GK: variants seen among roughly 807,000 people sequenced by gnomAD.
GK encodes the protein ATP:glycerol 3-phosphotransferase.
Under a neutral mutation model 56.4 loss-of-function variants are expected in GK, and 9 were observed. The ratio of observed to expected loss-of-function variants is 0.16; its 90% CI spans 0.10 to 0.28. The LOEUF is 0.28. Among genes scored for constraint, GK ranks in the 10% least tolerant of loss-of-function variants. GK has a pLI of 1.00. For missense variants in GK, 161 were observed against 431.4 expected (o/e 0.37, Z 5.55); for synonymous variants, 104 against 144.1 (o/e 0.72, Z 1.99).
In GK at chrX:30,720,837, A is replaced by G. The variant is rs375650758; in HGVS notation, c.1358-15A>G. The G allele has an allele frequency of 5.0e-6, 6 of 1,209,196 alleles. No homozygotes were observed. The highest frequency in any genetic ancestry group is 1.8e-5 in the African/African-American group (1 of 57,096). ...ATGTAACCACAAAGATATTGATGGA[A>G]CTCTCTCTCCTCAGTGAAGCCCTCA... On this transcript the variant is annotated splice_polypyrimidine_tract_variant and intron_variant, in intron 17 of 20. Transcript: ENST00000427190.
intron 13 of GK, among the ~76,000 whole-genome samples, chrX:30,714,654 A>G (rs1408073064): frequency 3.6e-5 from 4 of 111,542 alleles, no homozygotes; most frequent in Admixed American, 1.9e-4. Context: ...ATATCCCATC[A>G]CTTTTGACAT....
At chrX:30,677,789 C>T (rs1025047415) in intron 4 of GK, among the ~76,000 whole-genome samples, 1 of 98,364 alleles carries the variant, frequency 1.0e-5, no homozygotes, top group Non-Finnish European at 2.0e-5. Context: ...CTTGCCATTG[C>T]ACTCCAGCCT....
intron 4 of GK, among the ~76,000 whole-genome samples, chrX:30,688,529 G>A (rs1489567087): frequency 3.8e-5 from 4 of 106,095 alleles, no homozygotes; most frequent in African/African-American, 1.4e-4. Flanking sequence ...AAAAGGGAGA[G>A]AGAGAGAAAG....
intron 1 of GK, 47 bp downstream of exon 1, chrX:30,653,662 T>C (rs1476516600): frequency 9.5e-7 from 1 of 1,055,163 alleles, no homozygotes; most frequent in South Asian, 1.9e-5. Context: ...GGGGCGGGAG[T>C]CGGGGGACGG....
intron 19 of GK, among the ~76,000 whole-genome samples, chrX:30,726,871 A>G (rs1937158475): frequency 8.9e-6 from 1 of 112,203 alleles, no homozygotes; most frequent in African/African-American, 3.2e-5. Context: ...TGAAGCAATC[A>G]TAATTATTTT....
intron 19 of GK, chrX:30,724,534 T>C (rs1050199125): frequency 3.9e-6 from 1 of 253,337 alleles, no homozygotes; most frequent in South Asian, 4.4e-5. Flanking sequence ...CTTTACCTTT[T>C]TGGGGGGCTG....
At chrX:30,666,493 G>A (rs1933086827) in intron 2 of GK, among the ~76,000 whole-genome samples, 1 of 112,059 alleles carries the variant, frequency 8.9e-6, no homozygotes, top group African/African-American at 3.2e-5. Context: ...AAAGGAGCAT[G>A]AAAGAACTTT....
intron 3 of GK, among the ~76,000 whole-genome samples, chrX:30,669,540 A>C (rs1446822303): frequency 8.9e-6 from 1 of 111,856 alleles, no homozygotes; most frequent in African/African-American, 3.3e-5. Context: ...CATATAGGGA[A>C]AAAAAATCCA....
At chrX:30,709,584 G>A (rs958271268) in intron 13 of GK, among the ~76,000 whole-genome samples, 1 of 111,162 alleles carries the variant, frequency 9.0e-6, no homozygotes, top group Non-Finnish European at 1.9e-5. Flanking sequence ...AATTCATGTC[G>A]TCCAGAATGG....
At chrX:30,726,152 CAA>C (rs999110532) in intron 19 of GK, among the ~76,000 whole-genome samples, 97 of 110,822 alleles carry the variant, frequency 8.8e-4, no homozygotes, top group African/African-American at 3.1e-3. Context: ...ATAAAACAAA[CAA>C]AAAAAGATAT....
At chrX:30,713,807 T>A (rs901162512) in intron 13 of GK, among the ~76,000 whole-genome samples, 5 of 112,068 alleles carry the variant, frequency 4.5e-5, no homozygotes, top group African/African-American at 1.6e-4. Flanking sequence ...TTTTTCCAAA[T>A]ACTGTTTCAC....
chrX:30,656,439 A>T (rs1932287742), intron 1 of GK, among the ~76,000 whole-genome samples: 1 of 111,923 alleles, frequency 8.9e-6, no homozygotes, highest in South Asian at 3.7e-4. Context: ...CTCTGTTAGC[A>T]ATATTAGCTT....
intron 1 of GK, among the ~76,000 whole-genome samples, chrX:30,655,046 T>C (rs1932154159): frequency 8.9e-6 from 1 of 112,205 alleles, no homozygotes; most frequent in Admixed American, 9.5e-5. Context: ...TCCTGACATA[T>C]CTTTTTTTGT....
intron 1 of GK, among the ~76,000 whole-genome samples, chrX:30,654,959 T>C (rs768829101): frequency 2.7e-5 from 3 of 112,104 alleles, no homozygotes; most frequent in African/African-American, 9.7e-5. Flanking sequence ...TACATAGGCA[T>C]TATACATACA....
chrX:30,690,818 A>G (rs1231102586), intron 4 of GK, among the ~76,000 whole-genome samples: 1 of 111,891 alleles, frequency 8.9e-6, no homozygotes, highest in Non-Finnish European at 1.9e-5. Context: ...TAGAAAATCT[A>G]TATTCCAAAT....
At chrX:30,691,529 A>C (rs1462979730) in intron 5 of GK, among the ~76,000 whole-genome samples, 1 of 99,295 alleles carries the variant, frequency 1.0e-5, no homozygotes, top group Non-Finnish European at 2.0e-5. Context: ...CTGGAGTGCA[A>C]TGGTGTGATC....
Position 30,701,376 on chromosome X carries a change from G to A in GK, c.851+471G>A, listed in dbSNP as rs764205725. The stretch of plus-strand genomic sequence containing the variant: ...GTGAGCCGAGATCACGCCATTGTAT[G>A]CCAGCCTGGGCAACAAGAGTGAAGC... On this transcript the variant is annotated intron_variant, in intron 11 of 20. Coordinates refer to ENST00000427190, the MANE Select transcript of GK (RefSeq NM_001205019.2). Among the ~76,000 whole-genome samples, 3 of 112,288 alleles carry A rather than the reference G, an allele frequency of 2.7e-5. No homozygotes were observed. In the South Asian group the frequency reaches 1.1e-3, roughly 41 times the overall value.
At chrX:30,677,022 T>G (rs1284392094) in intron 3 of GK, among the ~76,000 whole-genome samples, 3 of 111,695 alleles carry the variant, frequency 2.7e-5, no homozygotes, top group Non-Finnish European at 5.6e-5. Context: ...ATGAATGAGT[T>G]GATTATTGGT....
chrX:30,688,163 A>C (rs1053901254), intron 4 of GK, among the ~76,000 whole-genome samples: 11 of 111,419 alleles, frequency 9.9e-5, no homozygotes, highest in Non-Finnish European at 1.9e-4. Context: ...GGTCTCCCTG[A>C]TTTCACATCC....
Sources: allele counts gnomAD v4.1 joint callset (sites outside exome capture counted in the v4.1 genomes callset), GRCh38; gene constraint gnomAD v4.1.1; transcripts MANE v1.5; gene names NCBI Gene and HGNC (gene_info 2026-07-23, HGNC 2026-07-21).